The following FMN1 variants were observed in gnomAD, a reference collection of about 807,000 sequenced individuals.
FMN1 encodes formin 1.
A neutral mutation model predicts 132.4 loss-of-function variants in FMN1; 110 were observed. The observed-to-expected ratio is 0.83, with a 90% CI of 0.71 to 0.97. The LOEUF (loss-of-function observed/expected upper bound fraction) is 0.97. FMN1 is among the 50% of genes least tolerant of loss of function. The pLI is 0.00. For synonymous variants in FMN1, 722 were observed against 651.7 expected, an observed-to-expected ratio of 1.11 and a Z score of -1.64; for missense variants, 1,792 against 1,705.3, an observed-to-expected ratio of 1.05 and a Z score of -0.90.
At chr15:33,143,375 A>C (rs2468753) in intron 4 of FMN1, among the ~76,000 whole-genome samples, 130,894 of 152,218 alleles carry the variant, frequency 0.86, 56,924 homozygotes, top group South Asian at 0.94. Context: ...AGACTAAGTT[A>C]TCTCATCATT....
Position 32,949,966 on chromosome 15 carries a change from C to CGTATAT in FMN1, c.3138+14140_3138+14141insATATAC, listed in dbSNP as rs1164364044. On this transcript the variant is annotated intron_variant, in intron 9 of 20. Transcript: ENST00000616417. ...ATATATATATATATATATATATATA[C>CGTATAT]ACACATATATATACACACACATATA... Among the ~76,000 whole-genome samples the CGTATAT allele has an allele frequency of 2.7e-4, 2 of 7,406 alleles. 1 individual carries two copies. The highest frequency in any genetic ancestry group is 9.9e-4 in the African/African-American group (2 of 2,022). The allele number at this position is 7,406 out of a possible 152,430, so 4.9% of individuals were successfully genotyped here.
chr15:32,795,585 A>G (rs955780579), intron 19 of FMN1, among the ~76,000 whole-genome samples: 6 of 139,100 alleles, frequency 4.3e-5, no homozygotes, highest in Admixed American at 2.1e-4. Flanking sequence ...TAGCCAATTA[A>G]TGGGGGTGGG....
At chr15:33,192,032 C>T (rs566806075) in intron 2 of FMN1, among the ~76,000 whole-genome samples, 1 of 152,336 alleles carries the variant, frequency 6.6e-6, no homozygotes, top group African/African-American at 2.4e-5. Flanking sequence ...TAAACGTGGT[C>T]ATACTACCAA....
intron 11 of FMN1, among the ~76,000 whole-genome samples, chr15:32,909,613 C>T (rs2060508734): frequency 6.6e-6 from 1 of 152,166 alleles, no homozygotes; most frequent in Non-Finnish European, 1.5e-5. Context: ...GACCACAGTA[C>T]ACTATAGAGC....
At chr15:33,021,511 C>T (rs1488141123) in intron 6 of FMN1, among the ~76,000 whole-genome samples, 1 of 152,020 alleles carries the variant, frequency 6.6e-6, no homozygotes, top group Non-Finnish European at 1.5e-5. Flanking sequence ...CATGAATAGG[C>T]TTATATTGTT....
intron 7 of FMN1, among the ~76,000 whole-genome samples, chr15:33,004,159 A>G (rs1263320172): frequency 1.3e-5 from 2 of 152,196 alleles, no homozygotes; most frequent in Non-Finnish European, 2.9e-5. Flanking sequence ...CTAAAACACC[A>G]AAAGCAATGG....
intron 6 of FMN1, among the ~76,000 whole-genome samples, chr15:33,029,862 T>C (rs1032107472): frequency 6.6e-6 from 1 of 152,164 alleles, no homozygotes; most frequent in Non-Finnish European, 1.5e-5. Flanking sequence ...AATGTTATAA[T>C]TTATCTTTTC....
chr15:33,036,406 T>C (rs963350675), intron 6 of FMN1, among the ~76,000 whole-genome samples: 4 of 152,244 alleles, frequency 2.6e-5, no homozygotes, highest in African/African-American at 9.6e-5. Flanking sequence ...GTTTTATACA[T>C]TAATTATCAC....
chr15:32,943,019 C>T (rs957762425), intron 9 of FMN1, among the ~76,000 whole-genome samples: 4 of 152,122 alleles, frequency 2.6e-5, no homozygotes, highest in African/African-American at 7.2e-5. Flanking sequence ...CTCCAAAATA[C>T]GAAGTATTTC....
Position 33,024,489 on chromosome 15 carries a change from G to A in FMN1, c.2162-16414C>T, listed in dbSNP as rs529850385. On this transcript the variant is annotated intron_variant, in intron 6 of 20. Coordinates refer to ENST00000616417, the MANE Select transcript of FMN1 (RefSeq NM_001277313.2). ...TCTCGATTTCCTGACCTCGCAATCCGCCCACCTCGGCCTCCCAAAGTGCTG... is the reference window on the plus strand; with the variant it reads ...TCTCGATTTCCTGACCTCGCAATCCACCCACCTCGGCCTCCCAAAGTGCTG... 1.9e-3 allele frequency among the ~76,000 whole-genome samples: 293 copies of A among 151,750 alleles called. 2 individuals are homozygous for A. The highest frequency in any genetic ancestry group is 6.4e-3 in the African/African-American group (265 of 41,384).
chr15:32,774,726 G>C (rs2056359091), intron 20 of FMN1, among the ~76,000 whole-genome samples: 3 of 151,960 alleles, frequency 2.0e-5, no homozygotes, highest in Non-Finnish European at 2.9e-5. Flanking sequence ...TGGAATTAGA[G>C]AATGCCCAAG....
intron 4 of FMN1, among the ~76,000 whole-genome samples, chr15:33,109,307 G>A (rs1387843936): frequency 1.3e-5 from 2 of 151,926 alleles, no homozygotes; most frequent in Admixed American, 1.3e-4. Flanking sequence ...TAGATAAATG[G>A]CCAAAGGGAA....
chr15:32,816,075 T>C (rs1308559884), intron 17 of FMN1, among the ~76,000 whole-genome samples: 2 of 151,904 alleles, frequency 1.3e-5, no homozygotes, highest in African/African-American at 4.9e-5. Context: ...ATTATGATAA[T>C]GACTACCATC....
intron 5 of FMN1, chr15:33,067,000 G>T (rs1477464947): frequency 1.3e-5 from 21 of 1,613,846 alleles, no homozygotes; most frequent in Non-Finnish European, 1.8e-5. Flanking sequence ...TAATTTCCGT[G>T]ATGGTCTCTC....
intron 4 of FMN1, among the ~76,000 whole-genome samples, chr15:33,111,708 A>G (rs756842744): frequency 2.0e-5 from 3 of 152,160 alleles, no homozygotes; most frequent in Non-Finnish European, 2.9e-5. Flanking sequence ...ATATTGCATG[A>G]TACCACTTAC....
At chr15:32,856,859 G>GTCC (rs2059143884) in intron 17 of FMN1, among the ~76,000 whole-genome samples, 156 bp downstream of exon 17, 1 of 152,170 alleles carries the variant, frequency 6.6e-6, no homozygotes, top group South Asian at 2.1e-4. Flanking sequence ...TTTATCTACC[G>GTCC]TGAGTATGTA....
intron 5 of FMN1, among the ~76,000 whole-genome samples, chr15:33,072,180 T>C (rs919691221): frequency 1.3e-5 from 2 of 152,204 alleles, no homozygotes; most frequent in Non-Finnish European, 2.9e-5. Context: ...AGATTAAAAA[T>C]GATCCACCTC....
At chr15:32,989,539 C>A (rs774141864) in intron 7 of FMN1, among the ~76,000 whole-genome samples, 1 of 151,622 alleles carries the variant, frequency 6.6e-6, no homozygotes, top group Non-Finnish European at 1.5e-5. Flanking sequence ...TAGTCAAGTG[C>A]AGTTTAGCCC....
chr15:33,173,234 G>T (rs910770900), intron 3 of FMN1, among the ~76,000 whole-genome samples: 6 of 152,108 alleles, frequency 3.9e-5, no homozygotes, highest in African/African-American at 1.2e-4. Context: ...GGACATAATT[G>T]GTTACAAGAA....
Sources: allele counts gnomAD v4.1 joint callset (sites outside exome capture counted in the v4.1 genomes callset), GRCh38; gene constraint gnomAD v4.1.1; transcripts MANE v1.5; gene names NCBI Gene and HGNC (gene_info 2026-07-23, HGNC 2026-07-21).